Variants in EHBP1 observed in about 807,000 individuals in gnomAD.
EHBP1 encodes the protein EH domain binding protein 1, also known as EH domain-binding protein 1.
EHBP1 carries 55 observed loss-of-function variants against 144.0 expected under a neutral mutation model. The observed-to-expected ratio is 0.38, with a 90% confidence interval of 0.31 to 0.48. The LOEUF is 0.48. Ranked by LOEUF, EHBP1 falls within the 20% of genes least tolerant of loss-of-function variation. The probability of loss-of-function intolerance (pLI) is 0.98; values close to 1 mark genes in which losing one functional copy is unlikely to be tolerated. For missense variants in EHBP1, 1,200 were observed against 1,364.2 expected (o/e 0.88, Z 1.90); for synonymous variants, 469 against 472.7 (o/e 0.99, Z 0.10).
At chr2:62,887,528 A>G in intron 10 of EHBP1, among the ~76,000 whole-genome samples, 1 of 150,764 alleles carries the variant, frequency 6.6e-6, no homozygotes, top group Non-Finnish European at 1.5e-5. Flanking sequence ...GCTTGAGCCC[A>G]GGAGTTCAAG....
intron 5 of EHBP1, among the ~76,000 whole-genome samples, chr2:62,815,315 G>A (rs1014069647): frequency 6.6e-6 from 1 of 152,148 alleles, no homozygotes; most frequent in Non-Finnish European, 1.5e-5. Flanking sequence ...TCTATTCTTA[G>A]CATTAGTTGG....
At chr2:62,753,311 A>T (rs1449851097) in intron 3 of EHBP1, among the ~76,000 whole-genome samples, 1 of 152,106 alleles carries the variant, frequency 6.6e-6, no homozygotes, top group East Asian at 1.9e-4. Flanking sequence ...CTTTTCTTTA[A>T]GAATGTTGAA....
intron 10 of EHBP1, among the ~76,000 whole-genome samples, chr2:62,906,553 G>A (rs2053828869): frequency 6.6e-6 from 1 of 152,036 alleles, no homozygotes; most frequent in African/African-American, 2.4e-5. Context: ...TTGCATTTTT[G>A]CAAATGGTAA....
At chr2:62,740,707 A>G (rs1455524320) in intron 2 of EHBP1, among the ~76,000 whole-genome samples, 1 of 152,046 alleles carries the variant, frequency 6.6e-6, no homozygotes, top group East Asian at 1.9e-4. Context: ...CTGTGGTGAG[A>G]CAAATGTGTT....
intron 10 of EHBP1, among the ~76,000 whole-genome samples, chr2:62,925,128 G>T (rs2055393835): frequency 6.6e-6 from 1 of 152,068 alleles, no homozygotes; most frequent in Non-Finnish European, 1.5e-5. Flanking sequence ...ATCTCAATAG[G>T]TATAGAAAAA....
chr2:62,767,176 T>A (rs558330120), intron 4 of EHBP1, among the ~76,000 whole-genome samples: 24 of 152,200 alleles, frequency 1.6e-4, no homozygotes, highest in African/African-American at 5.8e-4. Flanking sequence ...ACGTTGCCGC[T>A]AGCGGTACTT....
At chr2:62,895,084 G>A (rs2052791258) in intron 10 of EHBP1, among the ~76,000 whole-genome samples, 2 of 152,112 alleles carry the variant, frequency 1.3e-5, no homozygotes, top group African/African-American at 4.8e-5. Flanking sequence ...CTACTTACAT[G>A]GCATTCCAGA....
At chr2:62,959,846 G>T (rs2057909780) in intron 14 of EHBP1, among the ~76,000 whole-genome samples, 1 of 152,044 alleles carries the variant, frequency 6.6e-6, no homozygotes, top group Non-Finnish European at 1.5e-5. Context: ...CTTTATTTCT[G>T]TACAAGTAAA....
At chr2:62,825,824 C>T (rs1450907934) in intron 5 of EHBP1, among the ~76,000 whole-genome samples, 1 of 152,034 alleles carries the variant, frequency 6.6e-6, no homozygotes, top group Admixed American at 6.6e-5. Context: ...CCTTGCTTCT[C>T]CTTTTCTGGT....
intron 19 of EHBP1, among the ~76,000 whole-genome samples, chr2:63,029,630 C>A (rs553492110): frequency 1.3e-5 from 2 of 152,070 alleles, no homozygotes; most frequent in African/African-American, 4.8e-5. Flanking sequence ...GTAAGTAATA[C>A]CATTATCCAT....
intron 1 of EHBP1, among the ~76,000 whole-genome samples, chr2:62,691,754 A>C (rs143153480): frequency 6.6e-6 from 1 of 152,282 alleles, no homozygotes; most frequent in East Asian, 1.9e-4. Context: ...CACATCTCAA[A>C]ACTTTAAGAG....
intron 19 of EHBP1, among the ~76,000 whole-genome samples, chr2:63,028,069 A>G (rs984406199): frequency 6.6e-6 from 1 of 152,244 alleles, no homozygotes; most frequent in Middle Eastern, 3.4e-3. Flanking sequence ...GGCCTTTAAC[A>G]GTGTATTTTA....
chr2:62,724,116 CA>C (rs2036511245), intron 2 of EHBP1, among the ~76,000 whole-genome samples: 2 of 152,172 alleles, frequency 1.3e-5, no homozygotes, highest in Non-Finnish European at 2.9e-5. Context: ...ACCAGTGAGT[CA>C]TAGATTTGGT....
At chr2:62,830,367 C>A (rs534018322) in intron 6 of EHBP1, among the ~76,000 whole-genome samples, 1 of 152,098 alleles carries the variant, frequency 6.6e-6, no homozygotes, top group Non-Finnish European at 1.5e-5. Flanking sequence ...AACTCCTGAC[C>A]TTGTGATCAC....
At chr2:62,800,659 C>T (rs771420352) in intron 5 of EHBP1, among the ~76,000 whole-genome samples, 2 of 152,056 alleles carry the variant, frequency 1.3e-5, no homozygotes, top group Non-Finnish European at 2.9e-5. Flanking sequence ...GAGTGGTGGT[C>T]AATGAAGCAT....
intron 13 of EHBP1, among the ~76,000 whole-genome samples, chr2:62,951,537 G>GGT (rs369569389): frequency 7.1e-6 from 1 of 140,832 alleles, no homozygotes; most frequent in Non-Finnish European, 1.6e-5. Context: ...TTTTTTTTGG[G>GGT]GGGGGGGGGT....
At chr2:62,745,182 A>C (rs928390507) in intron 2 of EHBP1, among the ~76,000 whole-genome samples, 20 of 152,080 alleles carry the variant, frequency 1.3e-4, no homozygotes, top group Non-Finnish European at 2.5e-4. Flanking sequence ...TATTCATTGA[A>C]CCTCAACCTT....
At chr2:62,864,385 GA>G (rs1327674582) in intron 8 of EHBP1, among the ~76,000 whole-genome samples, 3 of 152,112 alleles carry the variant, frequency 2.0e-5, no homozygotes, top group African/African-American at 7.2e-5. Flanking sequence ...TACAATAAAA[GA>G]ATATAATTTT....
intron 8 of EHBP1, 47 bp from the exon 9 acceptor site, chr2:62,864,684 A>G (rs1346370571): frequency 1.9e-6 from 3 of 1,548,038 alleles, no homozygotes; most frequent in Non-Finnish European, 2.6e-6. Context: ...ATTAGAAAAT[A>G]TCATATGGTA....
Sources: allele counts gnomAD v4.1 joint callset (sites outside exome capture counted in the v4.1 genomes callset), GRCh38; gene constraint gnomAD v4.1.1; transcripts MANE v1.5; gene names NCBI Gene and HGNC (gene_info 2026-07-23, HGNC 2026-07-21).